Variants in PGAP4 observed in about 807,000 individuals in gnomAD.
PGAP4 encodes the protein GPI-N-acetylgalactosamine transferase PGAP4.
PGAP4 carries 12 observed loss-of-function variants against 28.2 expected under a neutral mutation model. That is an observed-to-expected ratio of 0.42 (90% confidence interval 0.27 to 0.69). The LOEUF is 0.69. Among genes scored for constraint, PGAP4 ranks in the 30% least tolerant of loss-of-function variants. The pLI, the probability that PGAP4 is intolerant of heterozygous loss-of-function variation, is 0.22. For synonymous variants in PGAP4, 205 were observed against 211.8 expected, an observed-to-expected ratio of 0.97 and a Z score of 0.28; for missense variants, 425 against 513.5, an observed-to-expected ratio of 0.83 and a Z score of 1.67.
intron 2 of PGAP4, among the ~76,000 whole-genome samples, chr9:101,495,044 C>T (rs1006951920): frequency 7.1e-6 from 1 of 141,022 alleles, no homozygotes; most frequent in Non-Finnish European, 1.5e-5. Context: ...ATACCATATC[C>T]CTAAATGTAA....
chr9:101,511,075 G>A (rs1300450813), intron 2 of PGAP4, among the ~76,000 whole-genome samples: 1 of 152,102 alleles, frequency 6.6e-6, no homozygotes, highest in African/African-American at 2.4e-5. Context: ...TAGATCATCA[G>A]GCATTAGATT....
chr9:101,508,720 A>G (rs1826870617), intron 2 of PGAP4, among the ~76,000 whole-genome samples: 1 of 152,156 alleles, frequency 6.6e-6, no homozygotes, highest in Non-Finnish European at 1.5e-5. Context: ...CTTTATTTCT[A>G]TTATTATTAC....
intron 2 of PGAP4, among the ~76,000 whole-genome samples, chr9:101,495,404 A>T (rs1459632267): frequency 7.4e-6 from 1 of 134,510 alleles, no homozygotes; most frequent in African/African-American, 2.8e-5. Flanking sequence ...TATATTTTAT[A>T]TATAATATAT....
chr9:101,517,451 G>A (rs1294900238), intron 2 of PGAP4, among the ~76,000 whole-genome samples: 1 of 152,092 alleles, frequency 6.6e-6, no homozygotes, highest in Non-Finnish European at 1.5e-5. Flanking sequence ...AGGAAAGGAT[G>A]TGAGAACATG....
intron 2 of PGAP4, among the ~76,000 whole-genome samples, chr9:101,508,549 C>T (rs569758384): frequency 6.6e-6 from 1 of 152,076 alleles, no homozygotes; most frequent in Non-Finnish European, 1.5e-5. Context: ...TATTACTCCA[C>T]CCTGTGAGGT....
intron 2 of PGAP4, among the ~76,000 whole-genome samples, chr9:101,517,070 C>T (rs1826949967): frequency 6.6e-6 from 1 of 152,104 alleles, no homozygotes; most frequent in African/African-American, 2.4e-5. Flanking sequence ...TGAACCATTG[C>T]TGTTAGAGTC....
rs142773125 is a variant in PGAP4, at chr9:101,484,038, G to A, written c.-78+2911C>T. Among the ~76,000 whole-genome samples, 12 of 152,288 alleles carry A rather than the reference G, an allele frequency of 7.9e-5. No individual in the cohort carries two copies. In the East Asian group the frequency reaches 2.3e-3, roughly 29 times the overall value. The stretch of plus-strand genomic sequence containing the variant: ...CAATCTTTGGAGGAAATGTTGGGGT[G>A]TTGGGGCAGTATCTATAAAAATTTT... On this transcript the variant is annotated intron_variant, in intron 1 of 1. Coordinates refer to ENST00000374848, the MANE Select transcript of PGAP4 (RefSeq NM_032342.3).
chr9:101,532,049 C>T (rs940480962), intron 1 of PGAP4, among the ~76,000 whole-genome samples: 9 of 152,142 alleles, frequency 5.9e-5, no homozygotes, highest in South Asian at 2.1e-4. Flanking sequence ...GTGGATGGAT[C>T]GTCCGAGGTC....
At chr9:101,485,322 A>G (rs1000395402) in intron 1 of PGAP4, among the ~76,000 whole-genome samples, 1 of 152,178 alleles carries the variant, frequency 6.6e-6, no homozygotes, top group Non-Finnish European at 1.5e-5. Flanking sequence ...TGCACCACTT[A>G]AATATATATA....
chr9:101,513,992 G>C (rs960933116), intron 2 of PGAP4, among the ~76,000 whole-genome samples: 1 of 150,632 alleles, frequency 6.6e-6, no homozygotes, highest in African/African-American at 2.4e-5. Context: ...GAGGGTAAGA[G>C]AAAGTTCTTT....
At chr9:101,530,617 G>T (rs990318146) in intron 2 of PGAP4, among the ~76,000 whole-genome samples, 2 of 152,186 alleles carry the variant, frequency 1.3e-5, no homozygotes, top group African/African-American at 4.8e-5. Flanking sequence ...GAAGGTGGCT[G>T]GTCAGAAATG....
intron 2 of PGAP4, among the ~76,000 whole-genome samples, chr9:101,493,119 T>C (rs888158552): frequency 4.6e-5 from 7 of 151,840 alleles, no homozygotes; most frequent in Admixed American, 3.9e-4. Context: ...CCGGGTGTGG[T>C]GGCAGGCGCT....
At chr9:101,521,481 T>G (rs1826988185) in intron 2 of PGAP4, among the ~76,000 whole-genome samples, 1 of 152,168 alleles carries the variant, frequency 6.6e-6, no homozygotes, top group Admixed American at 6.5e-5. Flanking sequence ...TTTTCTAGGT[T>G]TTCCAGTTTA....
chr9:101,520,081 A>T (rs544718487), intron 2 of PGAP4, among the ~76,000 whole-genome samples: 3 of 152,196 alleles, frequency 2.0e-5, no homozygotes, highest in South Asian at 4.1e-4. Flanking sequence ...CTATGTGCCT[A>T]TTTTTGTACC....
upstream of PGAP4, among the ~76,000 whole-genome samples, chr9:101,491,434 T>C (rs1471227252): frequency 2.0e-5 from 3 of 152,098 alleles, no homozygotes; most frequent in East Asian, 1.9e-4. Context: ...AATCAGCACA[T>C]TATTGAAATT....
intron 2 of PGAP4, among the ~76,000 whole-genome samples, chr9:101,505,567 TA>T (rs1007969478): frequency 7.3e-5 from 11 of 151,024 alleles, no homozygotes; most frequent in South Asian, 2.1e-4. Flanking sequence ...CTTCTCTGAA[TA>T]AAAAAAAATG....
At chr9:101,477,845 A>T (rs1049890540) in intron 1 of PGAP4, among the ~76,000 whole-genome samples, 1 of 152,182 alleles carries the variant, frequency 6.6e-6, no homozygotes, top group African/African-American at 2.4e-5. Context: ...TAAGCAAGCA[A>T]ACTCTAGAGC....
chr9:101,488,260 A>G (rs1231125794), upstream of PGAP4, among the ~76,000 whole-genome samples: 2 of 152,316 alleles, frequency 1.3e-5, no homozygotes, highest in South Asian at 2.1e-4. Context: ...TGGAAAACCT[A>G]TATCTGAGGC....
chr9:101,501,641 A>G (rs950125620), intron 2 of PGAP4: 11 of 498,158 alleles, frequency 2.2e-5, no homozygotes, highest in African/African-American at 1.6e-4. Context: ...GAAACATTTC[A>G]TTTAGAAATC....
Sources: gnomAD v4.1 joint callset for allele counts (sites outside exome capture counted in the v4.1 genomes callset) on GRCh38, gnomAD v4.1.1 for gene constraint, MANE v1.5 for transcripts, NCBI Gene and HGNC (gene_info 2026-07-23, HGNC 2026-07-21) for gene names.